SLC44A5: variants seen among roughly 807,000 people sequenced by gnomAD.
SLC44A5 encodes choline transporter-like protein 5.
In SLC44A5, 57 loss-of-function variants were observed where a neutral mutation model predicts 101.8. The observed-to-expected ratio is 0.56, with a 90% CI of 0.45 to 0.70. SLC44A5 has a LOEUF of 0.70. Among genes scored for constraint, SLC44A5 ranks in the 30% least tolerant of loss-of-function variants. The probability of loss-of-function intolerance (pLI) is 0.00; values close to 1 mark genes in which losing one functional copy is unlikely to be tolerated. For synonymous variants in SLC44A5, 281 were observed against 290.9 expected (o/e 0.97, Z 0.35); for missense variants, 737 against 853.1 (o/e 0.86, Z 1.70).
chr1:75,350,063 T>C (rs181843497), intron 3 of SLC44A5, among the ~76,000 whole-genome samples: 4 of 152,210 alleles, frequency 2.6e-5, no homozygotes, highest in Admixed American at 2.0e-4. Flanking sequence ...CCAAAGTTTA[T>C]ATGTTGAAGT....
chr1:75,584,578 T>G (rs975714339), intron 1 of SLC44A5, among the ~76,000 whole-genome samples: 8 of 151,536 alleles, frequency 5.3e-5, no homozygotes, highest in African/African-American at 1.5e-4. Flanking sequence ...TTTGTGGGGG[T>G]TTTTTTGGGA....
At chr1:75,523,443 G>A (rs1376719321) in intron 2 of SLC44A5, among the ~76,000 whole-genome samples, 1 of 151,768 alleles carries the variant, frequency 6.6e-6, no homozygotes, top group Non-Finnish European at 1.5e-5. Flanking sequence ...CTCCCCAGTA[G>A]CTGGGATTAC....
At chr1:75,574,103 G>T (rs1673232948) in intron 1 of SLC44A5, among the ~76,000 whole-genome samples, 2 of 152,272 alleles carry the variant, frequency 1.3e-5, no homozygotes, top group South Asian at 4.1e-4. Flanking sequence ...ATGCATCAAA[G>T]TCAACACCTT....
intron 1 of SLC44A5, among the ~76,000 whole-genome samples, chr1:75,560,735 G>A (rs186829705): frequency 1.3e-5 from 2 of 152,244 alleles, no homozygotes; most frequent in South Asian, 2.1e-4. Flanking sequence ...GATGGAAGAA[G>A]CTCAGTTTCT....
intron 2 of SLC44A5, among the ~76,000 whole-genome samples, chr1:75,539,186 T>G (rs1387173506): frequency 1.3e-5 from 2 of 152,246 alleles, no homozygotes; most frequent in Admixed American, 6.5e-5. Flanking sequence ...AACTTACCTC[T>G]AATCTCTACT....
At chr1:75,584,467 A>C (rs1047271084) in intron 1 of SLC44A5, among the ~76,000 whole-genome samples, 2 of 152,214 alleles carry the variant, frequency 1.3e-5, no homozygotes, top group African/African-American at 2.4e-5. Context: ...CTAATTAGAA[A>C]AGCTAGAGTC....
chr1:75,254,159 C>T (rs935057335), intron 6 of SLC44A5, among the ~76,000 whole-genome samples: 1 of 152,040 alleles, frequency 6.6e-6, no homozygotes, highest in Non-Finnish European at 1.5e-5. Context: ...CTGCCTCGGC[C>T]TTCTGAGTAG....
At chr1:75,656,372 CT>C in the SLC44A5 span, among the ~76,000 whole-genome samples, 1 of 152,144 alleles carries the variant, frequency 6.6e-6, no homozygotes, top group South Asian at 2.1e-4. Flanking sequence ...TACTCCAATA[CT>C]GTAATTGTGG....
chr1:75,394,322 G>T (rs1661988355), intron 3 of SLC44A5, among the ~76,000 whole-genome samples: 1 of 152,286 alleles, frequency 6.6e-6, no homozygotes, highest in South Asian at 2.1e-4. Context: ...AAGTAATGCA[G>T]ATACAACTCC....
chr1:75,713,008 A>G, the SLC44A5 span, among the ~76,000 whole-genome samples: 3 of 152,162 alleles, frequency 2.0e-5, no homozygotes, highest in Non-Finnish European at 4.4e-5. Flanking sequence ...CACGATGACA[A>G]CCTAGACCTT....
chr1:75,425,526 G>A (rs532529009), intron 2 of SLC44A5, among the ~76,000 whole-genome samples: 1 of 152,262 alleles, frequency 6.6e-6, no homozygotes, highest in South Asian at 2.1e-4. Context: ...GAAAGAGGCT[G>A]CACAGACGAT....
chr1:75,671,961 T>C, the SLC44A5 span, among the ~76,000 whole-genome samples: 1 of 152,224 alleles, frequency 6.6e-6, no homozygotes, highest in Admixed American at 6.5e-5. Flanking sequence ...ATACAGAAAG[T>C]TCCAACTTGG....
At chr1:75,683,657 G>A in the SLC44A5 span, among the ~76,000 whole-genome samples, 3 of 152,132 alleles carry the variant, frequency 2.0e-5, no homozygotes, top group Non-Finnish European at 4.4e-5. Flanking sequence ...CCTAATGCTA[G>A]ATGACGAGTT....
rs764704707 is a variant in SLC44A5, at chr1:75,219,221, T to C, written c.1266+36A>G. ...AAATGAATTGCAGCAGAAGTCTATA[T>C]TGAAGTAAGTAAATGAAAGAGTTTC... On this transcript the variant is annotated intron_variant, in intron 16 of 23. Coordinates refer to ENST00000370859, the MANE Select transcript of SLC44A5 (RefSeq NM_001130058.2). 4 of 1,357,050 alleles carry C rather than the reference T, an allele frequency of 2.9e-6. No individual in the cohort carries two copies. The South Asian group carries it at 3.5e-5, about 12-fold the overall frequency. 84.1% of individuals were successfully genotyped at this position (1,357,050 alleles called of 1,614,324 possible). A position where few individuals can be genotyped will look rare whatever the true frequency, so the allele number is the denominator to read the frequency against.
the SLC44A5 span, among the ~76,000 whole-genome samples, chr1:75,695,048 C>T: frequency 6.6e-6 from 1 of 152,108 alleles, no homozygotes; most frequent in African/African-American, 2.4e-5. Flanking sequence ...TCAGACAGAA[C>T]TATTACAAGG....
At chr1:75,391,568 C>T (rs1002687499) in intron 3 of SLC44A5, among the ~76,000 whole-genome samples, 3 of 152,094 alleles carry the variant, frequency 2.0e-5, no homozygotes, top group African/African-American at 7.2e-5. Flanking sequence ...AATAAAGCTG[C>T]ACTCCTACAA....
chr1:75,208,158 G>GT (rs1553139968), intron 23 of SLC44A5, among the ~76,000 whole-genome samples: 1 of 152,064 alleles, frequency 6.6e-6, no homozygotes, highest in Non-Finnish European at 1.5e-5. Flanking sequence ...CAAATCTTCG[G>GT]TTTTTTGTTT....
intron 6 of SLC44A5, among the ~76,000 whole-genome samples, chr1:75,268,690 A>C (rs1474826408): frequency 6.6e-6 from 1 of 152,200 alleles, no homozygotes; most frequent in African/African-American, 2.4e-5. Flanking sequence ...AGAGTATACA[A>C]GTGTACAAAC....
intron 4 of SLC44A5, among the ~76,000 whole-genome samples, chr1:75,337,094 G>A (rs1411778918): frequency 1.3e-5 from 2 of 152,256 alleles, no homozygotes; most frequent in East Asian, 3.9e-4. Context: ...TTTGTCTCAA[G>A]TGTAATAATG....
Sources: gnomAD v4.1 joint callset for allele counts (sites outside exome capture counted in the v4.1 genomes callset) on GRCh38, gnomAD v4.1.1 for gene constraint, MANE v1.5 for transcripts, NCBI Gene and HGNC (gene_info 2026-07-23, HGNC 2026-07-21) for gene names.